The following IGF2BP2 variants were observed in gnomAD, a reference collection of about 807,000 sequenced individuals.
The protein encoded by IGF2BP2 is insulin like growth factor 2 mRNA binding protein 2, also known as insulin-like growth factor 2 mRNA-binding protein 2.
IGF2BP2 carries 17 observed loss-of-function variants against 75.8 expected under a neutral mutation model. The observed-to-expected ratio is 0.22, with a 90% confidence interval of 0.15 to 0.34. The LOEUF (loss-of-function observed/expected upper bound fraction) is 0.34. Among genes scored for constraint, IGF2BP2 ranks in the 10% least tolerant of loss-of-function variants. The probability of loss-of-function intolerance (pLI) is 1.00; values close to 1 mark genes in which losing one functional copy is unlikely to be tolerated. For missense variants in IGF2BP2, 516 were observed against 772.4 expected (o/e 0.67, Z 3.93); for synonymous variants, 288 against 295.6 (o/e 0.97, Z 0.26).
chr3:185,753,875 C>G lies in IGF2BP2; in HGVS notation c.240-55528G>C, dbSNP rs141990883. On this transcript the variant is annotated intron_variant, in intron 2 of 15. Coordinates refer to ENST00000382199, the MANE Select transcript of IGF2BP2 (RefSeq NM_006548.6). ...CCATCCCCTTGGTGATAAGTGAGTT[C>G]TCACTCAGTTAGTGCATGCAAGATC... 1.2e-4 allele frequency among the ~76,000 whole-genome samples: 19 copies of G among 152,140 alleles called. 1 individual carries two copies. Among genetic ancestry groups the G allele is most frequent in the African/African-American group, 4.6e-4 (19 of 41,526 alleles).
intron 12 of IGF2BP2, among the ~76,000 whole-genome samples, chr3:185,653,910 T>C (rs1034158657): frequency 6.6e-6 from 1 of 152,200 alleles, no homozygotes; most frequent in Non-Finnish European, 1.5e-5. Context: ...CATTTGTGCA[T>C]GGATCACCTC....
intron 2 of IGF2BP2, among the ~76,000 whole-genome samples, chr3:185,732,135 C>G (rs185399013): frequency 1.3e-5 from 2 of 152,164 alleles, no homozygotes; most frequent in East Asian, 3.9e-4. Context: ...TCTCTGCCCC[C>G]GGGAACCCTG....
chr3:185,698,008 A>G (rs1722806520), intron 3 of IGF2BP2, among the ~76,000 whole-genome samples: 1 of 152,146 alleles, frequency 6.6e-6, no homozygotes, highest in Non-Finnish European at 1.5e-5. Context: ...ACAAACCATG[A>G]GATACAAATC....
chr3:185,731,850 C>T (rs369690437), intron 2 of IGF2BP2, among the ~76,000 whole-genome samples: 43 of 152,044 alleles, frequency 2.8e-4, no homozygotes, highest in East Asian at 2.7e-3. Flanking sequence ...GGCGTCGGGG[C>T]GGGTGCCTGT....
At chr3:185,670,591 C>T (rs752292051) in intron 10 of IGF2BP2, among the ~76,000 whole-genome samples, 17 of 152,086 alleles carry the variant, frequency 1.1e-4, no homozygotes, top group Non-Finnish European at 2.1e-4. Context: ...TATTTTGAGA[C>T]AAAGTCTCAC....
chr3:185,698,153 T>C, intron 3 of IGF2BP2, 146 bp downstream of exon 3: 5 of 655,272 alleles, frequency 7.6e-6, no homozygotes, highest in Non-Finnish European at 1.1e-5. Flanking sequence ...TCATTACAGA[T>C]CACATACATT....
rs376314994 is a variant in IGF2BP2, at chr3:185,825,007, C to T, written c.-47G>A. On this transcript the variant is annotated 5_prime_UTR_variant, in exon 1 of 16. Transcript: ENST00000382199. ...GCGGCTCCCCCGGCCCGGTACCCGG[C>T]GCTCCTCGCCTCCTCCGCTGCCCTC... The T allele has an allele frequency of 1.4e-6, 2 of 1,403,110 alleles. No homozygotes were observed. The highest frequency in any genetic ancestry group is 1.9e-6 in the Non-Finnish European group (2 of 1,054,122). 86.9% of individuals were successfully genotyped at this position (1,403,110 alleles called of 1,614,324 possible).
At chr3:185,688,342 C>T (rs1721436891) in intron 6 of IGF2BP2, among the ~76,000 whole-genome samples, 1 of 152,110 alleles carries the variant, frequency 6.6e-6, no homozygotes, top group South Asian at 2.1e-4. Flanking sequence ...CAGGAACCCT[C>T]TATTTATTTA....
intron 2 of IGF2BP2, among the ~76,000 whole-genome samples, chr3:185,755,921 G>C (rs937353615): frequency 1.3e-5 from 2 of 152,186 alleles, no homozygotes; most frequent in African/African-American, 4.8e-5. Flanking sequence ...AAGCGTTTTG[G>C]AGACTATTGG....
chr3:185,686,253 G>A lies in IGF2BP2; in HGVS notation c.812+804C>T, dbSNP rs532518450. Among the ~76,000 whole-genome samples the A allele has an allele frequency of 1.1e-3, 167 of 152,018 alleles. 2 individuals are homozygous for A. Among genetic ancestry groups the A allele is most frequent in the Non-Finnish European group, 2.0e-3 (134 of 67,964 alleles). ...ACAAAAATTAGCTGGGCATGGTGGC[G>A]CACGCCTGTAATCCCAGCTATTCGG... On this transcript the variant is annotated intron_variant, in intron 7 of 15. Transcript: ENST00000382199.
chr3:185,713,828 G>A (rs1177845878), intron 2 of IGF2BP2, among the ~76,000 whole-genome samples: 4 of 152,170 alleles, frequency 2.6e-5, no homozygotes, highest in African/African-American at 9.7e-5. Flanking sequence ...AGCCTCCTGA[G>A]TAGCTGGGAT....
At chr3:185,677,046 T>G (rs915203346) in intron 7 of IGF2BP2, among the ~76,000 whole-genome samples, 13 of 43,870 alleles carry the variant, frequency 3.0e-4, no homozygotes, top group East Asian at 5.9e-4. Flanking sequence ...TATATGGAGA[T>G]ATATATATAT....
At chr3:185,732,056 C>T (rs1182049992) in intron 2 of IGF2BP2, among the ~76,000 whole-genome samples, 2 of 152,156 alleles carry the variant, frequency 1.3e-5, no homozygotes, top group Admixed American at 1.3e-4. Flanking sequence ...GTCTTGTGCA[C>T]TCGTTGTTCT....
intron 2 of IGF2BP2, among the ~76,000 whole-genome samples, chr3:185,800,256 G>A (rs186299993): frequency 2.0e-3 from 307 of 152,130 alleles, no homozygotes; most frequent in Middle Eastern, 6.8e-3. Context: ...AGCGGGGAAC[G>A]TCATAGACCG....
intron 2 of IGF2BP2, among the ~76,000 whole-genome samples, chr3:185,771,970 G>A (rs1174745534): frequency 6.6e-6 from 1 of 152,146 alleles, no homozygotes; most frequent in East Asian, 1.9e-4. Flanking sequence ...TAGGTCAGAA[G>A]TAGGCATCTC....
chr3:185,774,439 C>CA (rs1239356252), intron 2 of IGF2BP2, among the ~76,000 whole-genome samples: 7 of 151,702 alleles, frequency 4.6e-5, no homozygotes, highest in African/African-American at 1.2e-4. Flanking sequence ...ACTAAAAATA[C>CA]AAAAAATTAG....
chr3:185,726,243 G>A (rs1455060680), intron 2 of IGF2BP2, among the ~76,000 whole-genome samples: 1 of 152,162 alleles, frequency 6.6e-6, no homozygotes, highest in Non-Finnish European at 1.5e-5. Context: ...AGGTAATAAG[G>A]AATGGACCCA....
chr3:185,661,483 A>T (rs1191739694), intron 10 of IGF2BP2, among the ~76,000 whole-genome samples: 2 of 151,996 alleles, frequency 1.3e-5, no homozygotes, highest in Non-Finnish European at 2.9e-5. Flanking sequence ...GCAAAAATAC[A>T]AAAATTAGCC....
chr3:185,689,664 C>T, intron 5 of IGF2BP2, 37 bp from the exon 6 acceptor site: 2 of 1,613,644 alleles, frequency 1.2e-6, no homozygotes, highest in Non-Finnish European at 1.7e-6. Context: ...TCGTCAGAAA[C>T]CAACATCAAG....
Sources: gnomAD v4.1 joint callset for allele counts (sites outside exome capture counted in the v4.1 genomes callset) on GRCh38, gnomAD v4.1.1 for gene constraint, MANE v1.5 for transcripts, NCBI Gene and HGNC (gene_info 2026-07-23, HGNC 2026-07-21) for gene names.